VSIG10L: variants seen among roughly 807,000 people sequenced by gnomAD.
VSIG10L encodes V-set and immunoglobulin domain-containing protein 10-like.
Under a neutral mutation model 67.3 loss-of-function variants are expected in VSIG10L, and 63 were observed. The observed-to-expected ratio is 0.94, with a 90% CI of 0.76 to 1.15. The LOEUF (loss-of-function observed/expected upper bound fraction) is 1.15, where lower values mean the gene tolerates loss of function less well. Ranked by LOEUF, VSIG10L falls within the 50% of genes most tolerant of loss-of-function variation. The pLI is 0.00. For synonymous variants in VSIG10L, 499 were observed against 524.9 expected (o/e 0.95, Z 0.67); for missense variants, 1,050 against 1,177.5 (o/e 0.89, Z 1.58).
chr19:51,336,561 G>C (rs1179506519), intron 7 of VSIG10L, among the ~76,000 whole-genome samples: 1 of 151,646 alleles, frequency 6.6e-6, no homozygotes, highest in Non-Finnish European at 1.5e-5. Context: ...TCTCAAAAAA[G>C]AAGAAGGAGA....
At position 51,340,516 on chromosome 19, in the gene VSIG10L, AC is replaced by A; in HGVS notation, c.1105del (p.Val369CysfsTer56). 1 of 1,533,396 alleles carries A rather than the reference AC, an allele frequency of 6.5e-7. No homozygotes were observed. Among genetic ancestry groups the A allele is most frequent in the South Asian group, 1.2e-5 (1 of 83,850 alleles). The allele number at this position is 1,533,396 out of a possible 1,614,324, so 95.0% of individuals were successfully genotyped here. On this transcript the variant is annotated frameshift_variant, in exon 3 of 10. Coordinates refer to ENST00000335624, the MANE Select transcript of VSIG10L (RefSeq NM_001163922.3). LOFTEE classifies it high-confidence loss of function. This position sits in a 1 kb window ranked among gnomAD's most constrained non-coding sequence, Gnocchi z 6.3. ...EGDQLLIVRP[V>X]RSDHARYTCR... ...AGTGTACCGGGCGTGGTCGCTGCGC[AC>A]AGGGCGCACGATGAGCAGCTGGTCG...
At chr19:51,341,100 G>A (rs1396476122) in intron 2 of VSIG10L, 53 bp downstream of exon 2, 6 of 1,456,710 alleles carry the variant, frequency 4.1e-6, no homozygotes, top group Admixed American at 5.5e-5. Context: ...CCAAAGCCTG[G>A]CAGAGCAGAG....
chr19:51,340,334 G>C lies in VSIG10L; in HGVS notation c.1190-35C>G. On this transcript the variant is annotated intron_variant, in intron 3 of 9. Coordinates refer to ENST00000335624, the MANE Select transcript of VSIG10L (RefSeq NM_001163922.3). This position sits in a 1 kb window ranked among gnomAD's most constrained non-coding sequence, Gnocchi z 6.3. ...GGAGGGGTCGGGACCGCGAGTGTCAGGGTCACCTGGGACGCCGCTAGGACT... is the reference window on the plus strand; with the variant it reads ...GGAGGGGTCGGGACCGCGAGTGTCACGGTCACCTGGGACGCCGCTAGGACT... 2.7e-6 allele frequency: 4 copies of C among 1,481,974 alleles called. No individual in the cohort carries two copies. The highest frequency in any genetic ancestry group is 3.6e-6 in the Non-Finnish European group (4 of 1,118,158). The allele number at this position is 1,481,974 out of a possible 1,614,324, so 91.8% of individuals were successfully genotyped here. A position where few individuals can be genotyped will look rare whatever the true frequency, so the allele number is the denominator to read the frequency against.
At position 51,340,783 on chromosome 19, in the gene VSIG10L, C is replaced by A; in HGVS notation, c.896-57G>T. ...CCAGTCCTGGAGCCCATCTTTGGTC[C>A]CCTTAGAGGGAACCCCAGCCGCTGC... On this transcript the variant is annotated intron_variant, in intron 2 of 9. Transcript: ENST00000335624. This position sits in a 1 kb window ranked among gnomAD's most constrained non-coding sequence, Gnocchi z 6.3. The A allele has an allele frequency of 7.0e-7, 1 of 1,421,776 alleles. No individual in the cohort carries two copies. The highest frequency in any genetic ancestry group is 9.2e-7 in the Non-Finnish European group (1 of 1,090,848). 88.1% of individuals were successfully genotyped at this position (1,421,776 alleles called of 1,614,324 possible).
intron 4 of VSIG10L, among the ~76,000 whole-genome samples, chr19:51,339,371 A>C (rs1869538172): frequency 6.6e-6 from 1 of 152,036 alleles, no homozygotes; most frequent in African/African-American, 2.4e-5. Context: ...GCATCTTCAC[A>C]CAATGATATT....
At chr19:51,333,300 G>A (rs979355127) in intron 9 of VSIG10L, among the ~76,000 whole-genome samples, 11 of 152,306 alleles carry the variant, frequency 7.2e-5, no homozygotes, top group African/African-American at 2.4e-4. Flanking sequence ...AGGCCAAGGT[G>A]GGCGGATCAC....
In VSIG10L at chr19:51,332,595, G is replaced by A; in HGVS notation, c.*16C>T. On this transcript the variant is annotated 3_prime_UTR_variant, in exon 10 of 10. Transcript: ENST00000335624. ...TCACACCTGTGTGGCTGCGCGAACA[G>A]TCTTTGAGCCTCCGCCTACAGAGAC... 6.4e-7 allele frequency: 1 copy of A among 1,550,906 alleles called. No homozygotes were observed. Among genetic ancestry groups the A allele is most frequent in the Non-Finnish European group, 8.7e-7 (1 of 1,146,866 alleles).
At position 51,337,458 on chromosome 19, in the gene VSIG10L, G is replaced by T. The variant is rs1367594943; in HGVS notation, c.2085C>A (p.Ala695=). ...CCTGGATCTCAAAACTGCTGATCAGGGCCCCGCGCTCCACATCCCAAGTCA... is the reference window on the plus strand; with the variant it reads ...CCTGGATCTCAAAACTGCTGATCAGTGCCCCGCGCTCCACATCCCAAGTCA... ...AVLTWDVERG[A]LISSFEIQAW... Residue 695 remains alanine, a synonymous_variant, in exon 7 of 10, where the codon GCC becomes GCA. Coordinates refer to ENST00000335624, the MANE Select transcript of VSIG10L (RefSeq NM_001163922.3). 6.4e-7 allele frequency: 1 copy of T among 1,551,614 alleles called. No individual in the cohort carries two copies. Among genetic ancestry groups the T allele is most frequent in the Non-Finnish European group, 8.7e-7 (1 of 1,146,932 alleles).
intron 7 of VSIG10L, 128 bp from the exon 8 acceptor site, chr19:51,334,432 C>A: frequency 1.4e-6 from 1 of 714,618 alleles, no homozygotes; most frequent in Non-Finnish European, 2.3e-6. Context: ...CTCCCAGAAC[C>A]CAGGAATGTG....
Position 51,341,266 on chromosome 19 carries a change from C to CG in VSIG10L, c.781dup (p.Arg261ProfsTer20), listed in dbSNP as rs1568463415. On this transcript the variant is annotated frameshift_variant, in exon 2 of 10. Transcript: ENST00000335624. LOFTEE classifies it high-confidence loss of function. ...GGCAGAGGCGAGCTCCAGAACCCCCCGGGCCTGGTCAAATCGCAGGTGGTC... is the reference window on the plus strand; with the variant it reads ...GGCAGAGGCGAGCTCCAGAACCCCCCGGGGCCTGGTCAAATCGCAGGTGGTC... 3.2e-6 allele frequency: 5 copies of CG among 1,550,268 alleles called. No individual in the cohort carries two copies. Among genetic ancestry groups the CG allele is most frequent in the African/African-American group, 2.7e-5 (2 of 73,140 alleles).
chr19:51,337,455 C>G lies in VSIG10L; in HGVS notation c.2088G>C (p.Leu696=), dbSNP rs982357461. The change falls in exon 7 of 10, where the codon CTG becomes CTC. Residue 696 remains leucine (L), a synonymous_variant. Coordinates refer to ENST00000335624, the MANE Select transcript of VSIG10L (RefSeq NM_001163922.3). The stretch of plus-strand genomic sequence containing the variant: ...ATGCCTGGATCTCAAAACTGCTGAT[C>G]AGGGCCCCGCGCTCCACATCCCAAG... ...VLTWDVERGA[L]ISSFEIQAWP... is the part of the protein sequence containing the mutation. 1.9e-6 allele frequency: 3 copies of G among 1,551,680 alleles called. No homozygotes were observed. The highest frequency in any genetic ancestry group is 2.6e-6 in the Non-Finnish European group (3 of 1,146,966).
At chr19:51,335,272 C>T (rs760686138) in intron 7 of VSIG10L, among the ~76,000 whole-genome samples, 2 of 152,122 alleles carry the variant, frequency 1.3e-5, no homozygotes, top group South Asian at 2.1e-4. Context: ...AATTAATGGA[C>T]GGCTTTTATG....
At chr19:51,338,864 CA>C (rs780243036) in intron 5 of VSIG10L, 23 bp downstream of exon 5, 5 of 1,361,990 alleles carry the variant, frequency 3.7e-6, no homozygotes, top group Non-Finnish European at 4.8e-6. Context: ...CGAGAAACAG[CA>C]AAAAAGCCCC....
chr19:51,339,215 G>A, intron 4 of VSIG10L, 73 bp from the exon 5 acceptor site: 2 of 1,260,470 alleles, frequency 1.6e-6, no homozygotes, highest in Non-Finnish European at 2.0e-6. Flanking sequence ...TCCCCGCGCG[G>A]TGACTCCACC....
In VSIG10L at chr19:51,334,266, G is replaced by A; in HGVS notation, c.2344C>T (p.Leu782=). The A allele has an allele frequency of 1.9e-6, 3 of 1,551,772 alleles. No individual in the cohort carries two copies. Among genetic ancestry groups the A allele is most frequent in the Non-Finnish European group, 2.6e-6 (3 of 1,147,020 alleles). The change falls in exon 8 of 10, where the codon CTG becomes TTG. Residue 782 remains leucine (L), a synonymous_variant. Coordinates refer to ENST00000335624, the MANE Select transcript of VSIG10L (RefSeq NM_001163922.3). The part of the protein sequence containing the change: ...LSHGAIAGIV[L]GSLLGLALLA... ...AGCGCCAGGCCCAGCAGGGAGCCCAGGACGATGCCAGCGATGGCCCCATGG... is the reference window on the plus strand; with the variant it reads ...AGCGCCAGGCCCAGCAGGGAGCCCAAGACGATGCCAGCGATGGCCCCATGG...
chr19:51,336,512 C>T (rs1985481894), intron 7 of VSIG10L, among the ~76,000 whole-genome samples: 1 of 152,024 alleles, frequency 6.6e-6, no homozygotes, highest in African/African-American at 2.4e-5. Context: ...CGAGATCATG[C>T]CATTGCACTC....
chr19:51,335,558 A>G (rs777908356), intron 7 of VSIG10L, among the ~76,000 whole-genome samples: 11 of 152,202 alleles, frequency 7.2e-5, no homozygotes, highest in Non-Finnish European at 1.5e-4. Flanking sequence ...TGGAGGATGC[A>G]GTTTTGAGGG....
intron 9 of VSIG10L, 61 bp from the exon 10 acceptor site, chr19:51,332,701 C>T (rs1985387668): frequency 6.9e-7 from 1 of 1,456,982 alleles, no homozygotes; most frequent in Non-Finnish European, 9.3e-7. Context: ...TGACATAACT[C>T]ACCCGCCTAA....
In VSIG10L at chr19:51,340,387, C is replaced by T; in HGVS notation, c.1189+46G>A. 1 of 1,460,180 alleles carries T rather than the reference C, an allele frequency of 6.8e-7. No individual in the cohort carries two copies. The highest frequency in any genetic ancestry group is 9.0e-7 in the Non-Finnish European group (1 of 1,105,438). The allele number at this position is 1,460,180 out of a possible 1,614,324, so 90.5% of individuals were successfully genotyped here. A position where few individuals can be genotyped will look rare whatever the true frequency, so the allele number is the denominator to read the frequency against. On this transcript the variant is annotated intron_variant, in intron 3 of 9. Transcript: ENST00000335624. The surrounding 1 kb of genome is among the most constrained non-coding windows in gnomAD (Gnocchi z 6.3). ...CGGAGACTGGGTCCCCAGCCCGCTTCTCCCCAAGGACCCCCTGTCCCCGAC... is the reference window on the plus strand; with the variant it reads ...CGGAGACTGGGTCCCCAGCCCGCTTTTCCCCAAGGACCCCCTGTCCCCGAC...
Sources: allele counts gnomAD v4.1 joint callset (sites outside exome capture counted in the v4.1 genomes callset), GRCh38; gene constraint gnomAD v4.1.1; non-coding constraint Gnocchi (gnomAD v3.1); transcripts MANE v1.5; gene names NCBI Gene and HGNC (gene_info 2026-07-23, HGNC 2026-07-21).